The following ICA1L variants were observed in gnomAD, a reference collection of about 807,000 sequenced individuals.
The protein encoded by ICA1L is islet cell autoantigen 1 like, also known as islet cell autoantigen 1-like protein.
ICA1L carries 50 observed loss-of-function variants against 61.3 expected under a neutral mutation model. That is an observed-to-expected ratio of 0.82 (90% confidence interval 0.65 to 1.03). The LOEUF (loss-of-function observed/expected upper bound fraction) is 1.03, where lower values mean the gene tolerates loss of function less well. Among genes scored for constraint, ICA1L ranks in the 50% least tolerant of loss-of-function variants. The probability of loss-of-function intolerance (pLI) is 0.00; values close to 1 mark genes in which losing one functional copy is unlikely to be tolerated. For missense variants in ICA1L, 508 were observed against 556.7 expected (o/e 0.91, Z 0.88); for synonymous variants, 161 against 191.3 (o/e 0.84, Z 1.31).
chr2:202,799,498 C>T (rs1240447604), intron 9 of ICA1L, among the ~76,000 whole-genome samples: 1 of 152,104 alleles, frequency 6.6e-6, no homozygotes, highest in Non-Finnish European at 1.5e-5. Flanking sequence ...TTGAGTTCCT[C>T]GTATATTCTG....
At chr2:202,820,031 G>A (rs1693654886) in intron 4 of ICA1L, 132 bp from the exon 5 acceptor site, 2 of 697,730 alleles carry the variant, frequency 2.9e-6, no homozygotes, top group South Asian at 3.8e-5. Context: ...AGTTCCTAAG[G>A]AGATTTTGAA....
In ICA1L at chr2:202,786,526, G is replaced by A. The variant is rs375782486; in HGVS notation, c.1244-519C>T. ...ATTGCGCCACTGCAGTCCGCAGTCC[G>A]GCCTGGGCGACAGAGCGAGACTCCG... On this transcript the variant is annotated intron_variant, in intron 11 of 12. Coordinates refer to ENST00000358299, the MANE Select transcript of ICA1L (RefSeq NM_001288622.3). 421 of 221,386 alleles carry A rather than the reference G, an allele frequency of 1.9e-3. 13 individuals are homozygous for A. The East Asian group carries it at 0.046, about 24-fold the overall frequency. The allele number at this position is 221,386 out of a possible 1,614,324, so 13.7% of individuals were successfully genotyped here.
chr2:202,861,114 C>T (rs1340606545), intron 1 of ICA1L, among the ~76,000 whole-genome samples: 2 of 152,132 alleles, frequency 1.3e-5, no homozygotes, highest in Admixed American at 6.5e-5. Context: ...CCTGTAATCC[C>T]AGCTACTTGG....
rs542559897 is a variant in ICA1L, at chr2:202,776,639, G to A, written c.*2894C>T. ...CAAATAACTAATCTTGAGAAAATAC[G>A]AATGTGGTTACCTTCATCTTAATAT... On this transcript the variant is annotated 3_prime_UTR_variant, in exon 13 of 13. Transcript: ENST00000358299. 6.6e-6 allele frequency: 1 copy of A among 152,280 alleles called. No homozygotes were observed. Among genetic ancestry groups the A allele is most frequent in the Non-Finnish European group, 1.5e-5 (1 of 68,024 alleles). 9.4% of individuals were successfully genotyped at this position (152,280 alleles called of 1,614,324 possible).
At chr2:202,825,970 A>G (rs546959094) in intron 2 of ICA1L, among the ~76,000 whole-genome samples, 4 of 152,320 alleles carry the variant, frequency 2.6e-5, no homozygotes, top group Admixed American at 2.6e-4. Flanking sequence ...CTGGAAAAAA[A>G]TGATAAATAT....
At chr2:202,821,337 T>C in intron 4 of ICA1L, 21 bp downstream of exon 4, 2 of 1,605,576 alleles carry the variant, frequency 1.2e-6, no homozygotes, top group Non-Finnish European at 1.7e-6. Context: ...AGATTCAAGA[T>C]AATGAACAAC....
At chr2:202,857,720 T>C (rs1393826522) in intron 1 of ICA1L, among the ~76,000 whole-genome samples, 3 of 152,162 alleles carry the variant, frequency 2.0e-5, no homozygotes, top group Non-Finnish European at 4.4e-5. Flanking sequence ...TTTTGCAATC[T>C]ATCCTTCTGA....
chr2:202,828,713 G>T, intron 2 of ICA1L, 135 bp downstream of exon 2: 1 of 754,466 alleles, frequency 1.3e-6, no homozygotes, highest in Non-Finnish European at 2.1e-6. Context: ...ATTGACAGAT[G>T]GATACAACTA....
chr2:202,786,109 T>C, intron 11 of ICA1L, 102 bp from the exon 12 acceptor site: 1 of 682,400 alleles, frequency 1.5e-6, no homozygotes, highest in South Asian at 1.8e-5. Flanking sequence ...AGTCTTTGTA[T>C]CTGGGTAAGA....
intron 4 of ICA1L, among the ~76,000 whole-genome samples, 188 bp downstream of exon 4, chr2:202,821,170 C>T (rs1693692557): frequency 6.6e-6 from 1 of 152,102 alleles, no homozygotes; most frequent in Non-Finnish European, 1.5e-5. Context: ...GAACATCAAT[C>T]ATTAAATAAT....
intron 1 of ICA1L, among the ~76,000 whole-genome samples, chr2:202,852,703 C>T (rs1377071358): frequency 6.7e-6 from 1 of 149,004 alleles, no homozygotes; most frequent in Admixed American, 6.7e-5. Flanking sequence ...AAAAGTGTAC[C>T]TATTTCTCCA....
chr2:202,811,484 C>T (rs1316069854), intron 9 of ICA1L, among the ~76,000 whole-genome samples: 2 of 151,702 alleles, frequency 1.3e-5, no homozygotes, highest in South Asian at 2.1e-4. Context: ...ACAGTGAAAC[C>T]CTGTCTCTAC....
intron 1 of ICA1L, among the ~76,000 whole-genome samples, chr2:202,847,043 C>T (rs138346685): frequency 1.3e-5 from 2 of 152,224 alleles, no homozygotes; most frequent in South Asian, 2.1e-4. Context: ...ATTTTAACAG[C>T]AGGAGGCAAG....
At position 202,841,104 on chromosome 2, in the gene ICA1L, T is replaced by G. The variant is rs1574371116; in HGVS notation, c.-7-12088A>C. Reference sequence around the variant, plus strand: ...CTTCTGGATCTCCTCTTCATACAGCTGCCCGAGGAGGTTGATCTCTTCAGT... The same window carrying G: ...CTTCTGGATCTCCTCTTCATACAGCGGCCCGAGGAGGTTGATCTCTTCAGT... On this transcript the variant is annotated intron_variant, in intron 1 of 12. Coordinates refer to ENST00000358299, the MANE Select transcript of ICA1L (RefSeq NM_001288622.3). 7 of 636,248 alleles carry G rather than the reference T, an allele frequency of 1.1e-5. No individual in the cohort carries two copies. In the East Asian group the frequency reaches 2.0e-4, roughly 18 times the overall value. The allele number at this position is 636,248 out of a possible 1,614,324, so 39.4% of individuals were successfully genotyped here.
chr2:202,847,109 T>C (rs566046931), intron 1 of ICA1L, among the ~76,000 whole-genome samples: 4 of 152,304 alleles, frequency 2.6e-5, no homozygotes, highest in African/African-American at 9.6e-5. Flanking sequence ...ATGGTACAGA[T>C]TGTAGAGACC....
intron 1 of ICA1L, among the ~76,000 whole-genome samples, chr2:202,838,475 C>T (rs1694214617): frequency 6.6e-6 from 1 of 152,096 alleles, no homozygotes; most frequent in African/African-American, 2.4e-5. Context: ...CCAGTGTTTC[C>T]TTACTGAATT....
Position 202,773,713 on chromosome 2 carries a change from A to G in ICA1L, c.*5820T>C, listed in dbSNP as rs1256452110. On this transcript the variant is annotated 3_prime_UTR_variant, in exon 13 of 13. Coordinates refer to ENST00000358299, the MANE Select transcript of ICA1L (RefSeq NM_001288622.3). ...TTAATATATACAGCATATTGACTCT[A>G]GTTGCATCAGTTATGCATGAAGAGT... 1 of 1,085,930 alleles carries G rather than the reference A, an allele frequency of 9.2e-7. No individual in the cohort carries two copies. The allele number at this position is 1,085,930 out of a possible 1,614,324, so 67.3% of individuals were successfully genotyped here.
intron 1 of ICA1L, among the ~76,000 whole-genome samples, chr2:202,857,298 A>G (rs2105886062): frequency 6.6e-6 from 1 of 152,310 alleles, no homozygotes; most frequent in South Asian, 2.1e-4. Flanking sequence ...ATGGAACAGA[A>G]CAGAGACCTC....
At chr2:202,826,079 C>A (rs569433472) in intron 2 of ICA1L, among the ~76,000 whole-genome samples, 1 of 152,260 alleles carries the variant, frequency 6.6e-6, no homozygotes, top group African/African-American at 2.4e-5. Flanking sequence ...CAACATAAAT[C>A]TAATATAAAC....
Sources: allele counts gnomAD v4.1 joint callset (sites outside exome capture counted in the v4.1 genomes callset), GRCh38; gene constraint gnomAD v4.1.1; transcripts MANE v1.5; gene names NCBI Gene and HGNC (gene_info 2026-07-23, HGNC 2026-07-21).